The following CADM1 variants were observed in gnomAD, a reference collection of about 807,000 sequenced individuals.
CADM1 encodes the protein TSLC-1.
Under a neutral mutation model 53.1 loss-of-function variants are expected in CADM1, and 15 were observed. The observed-to-expected ratio is 0.28, with a 90% CI of 0.19 to 0.44. The LOEUF (loss-of-function observed/expected upper bound fraction) is 0.44, where lower values mean the gene tolerates loss of function less well. CADM1 is among the 20% of genes least tolerant of loss of function. The pLI is 1.00. For missense variants in CADM1, 434 were observed against 611.3 expected, an observed-to-expected ratio of 0.71 and a Z score of 3.06; for synonymous variants, 281 against 243.0, an observed-to-expected ratio of 1.16 and a Z score of -1.45.
chr11:115,188,220 C>A (rs1939670605), intron 10 of CADM1, among the ~76,000 whole-genome samples: 2 of 152,134 alleles, frequency 1.3e-5, no homozygotes, highest in South Asian at 4.1e-4. Flanking sequence ...GTGGCAATAA[C>A]CACCAGCTGT....
At chr11:115,290,125 T>C (rs957114191) in intron 1 of CADM1, among the ~76,000 whole-genome samples, 5 of 152,180 alleles carry the variant, frequency 3.3e-5, no homozygotes, top group African/African-American at 1.2e-4. Context: ...TGCATGCACA[T>C]GTAAACAGAT....
intron 1 of CADM1, among the ~76,000 whole-genome samples, chr11:115,309,599 A>G (rs1202147118): frequency 3.9e-5 from 6 of 152,076 alleles, no homozygotes; most frequent in Non-Finnish European, 8.8e-5. Context: ...TGTAGAACTG[A>G]AATGGGAAAT....
chr11:115,185,802 G>A (rs1939514742), intron 10 of CADM1, among the ~76,000 whole-genome samples: 1 of 152,170 alleles, frequency 6.6e-6, no homozygotes, highest in South Asian at 2.1e-4. Context: ...TGATAAACAG[G>A]ACAGTTGTCG....
At chr11:115,242,186 C>G (rs1214543451) in intron 1 of CADM1, among the ~76,000 whole-genome samples, 1 of 151,998 alleles carries the variant, frequency 6.6e-6, no homozygotes, top group African/African-American at 2.4e-5. Context: ...CAACCTCGAG[C>G]TCTAGGATCC....
chr11:115,188,489 A>C (rs530448769), intron 10 of CADM1, among the ~76,000 whole-genome samples: 207 of 152,306 alleles, frequency 1.4e-3, no homozygotes, highest in African/African-American at 4.8e-3. Flanking sequence ...ACTGTCATTA[A>C]TGAAGGTAGC....
intron 1 of CADM1, among the ~76,000 whole-genome samples, chr11:115,436,471 C>T (rs936806018): frequency 2.6e-5 from 4 of 152,174 alleles, no homozygotes; most frequent in Non-Finnish European, 5.9e-5. Context: ...GCATTCTCTT[C>T]CTGACTCTCT....
chr11:115,195,257 A>G (rs1940090543), intron 9 of CADM1, among the ~76,000 whole-genome samples: 1 of 152,210 alleles, frequency 6.6e-6, no homozygotes, highest in African/African-American at 2.4e-5. Flanking sequence ...TGCACTTCTA[A>G]CCTTCCAATA....
At chr11:115,238,369 C>A (rs1465589119) in intron 3 of CADM1, 131 bp downstream of exon 3, 3 of 1,013,406 alleles carry the variant, frequency 3.0e-6, no homozygotes, top group Non-Finnish European at 3.1e-6. Flanking sequence ...TTTTAAAATT[C>A]AGCAAGATGG....
At chr11:115,301,265 G>T (rs1294021306) in intron 1 of CADM1, among the ~76,000 whole-genome samples, 1 of 151,980 alleles carries the variant, frequency 6.6e-6, no homozygotes, top group Non-Finnish European at 1.5e-5. Context: ...GTGTGAGTTG[G>T]CCATGGCAAA....
At chr11:115,471,542 C>A (rs1436242059) in intron 1 of CADM1, among the ~76,000 whole-genome samples, 1 of 152,204 alleles carries the variant, frequency 6.6e-6, no homozygotes, top group Non-Finnish European at 1.5e-5. Flanking sequence ...TGGGTTTACA[C>A]AGTACACTGG....
intron 1 of CADM1, among the ~76,000 whole-genome samples, chr11:115,260,302 G>T (rs115871917): frequency 6.6e-6 from 1 of 152,324 alleles, no homozygotes; most frequent in East Asian, 1.9e-4. Flanking sequence ...GATCCAATGT[G>T]CAGAGAGTAA....
chr11:115,353,779 G>A (rs1565382425), intron 1 of CADM1, among the ~76,000 whole-genome samples: 1 of 152,132 alleles, frequency 6.6e-6, no homozygotes, highest in African/African-American at 2.4e-5. Context: ...AAGGAGGGTG[G>A]TAAGTGGGTA....
chr11:115,224,827 G>T (rs1219130910), intron 5 of CADM1, among the ~76,000 whole-genome samples: 2 of 152,106 alleles, frequency 1.3e-5, no homozygotes, highest in Non-Finnish European at 2.9e-5. Context: ...TTTGACAAGA[G>T]TACATTCCCT....
At chr11:115,361,248 A>G (rs776948250) in intron 1 of CADM1, among the ~76,000 whole-genome samples, 6 of 152,208 alleles carry the variant, frequency 3.9e-5, no homozygotes, top group Admixed American at 6.5e-5. Context: ...TTTATAAACT[A>G]GAGCTACTGA....
At chr11:115,404,426 G>A (rs1323300655) in intron 1 of CADM1, among the ~76,000 whole-genome samples, 1 of 120,446 alleles carries the variant, frequency 8.3e-6, no homozygotes, top group Admixed American at 8.7e-5. Context: ...TTCCAGATAG[G>A]TTAACAAAAG....
intron 5 of CADM1, among the ~76,000 whole-genome samples, chr11:115,219,319 T>C (rs1591615730): frequency 6.6e-6 from 1 of 152,310 alleles, no homozygotes; most frequent in East Asian, 1.9e-4. Flanking sequence ...TCACTAGAGA[T>C]AGCTGCTTTC....
intron 1 of CADM1, among the ~76,000 whole-genome samples, chr11:115,425,236 A>C (rs1227668335): frequency 1.3e-5 from 2 of 152,252 alleles, no homozygotes; most frequent in Admixed American, 1.3e-4. Context: ...AATATAAATC[A>C]AACTCTAACA....
At chr11:115,294,291 T>A (rs1943988603) in intron 1 of CADM1, among the ~76,000 whole-genome samples, 1 of 152,126 alleles carries the variant, frequency 6.6e-6, no homozygotes, top group South Asian at 2.1e-4. Flanking sequence ...CACAGCCTGT[T>A]CTCCAGTGGT....
At chr11:115,362,405 C>T (rs989285507) in intron 1 of CADM1, among the ~76,000 whole-genome samples, 3 of 152,104 alleles carry the variant, frequency 2.0e-5, no homozygotes, top group Non-Finnish European at 4.4e-5. Context: ...TTTTTAAACC[C>T]AACAAGGCAT....
Sources: allele counts gnomAD v4.1 joint callset (sites outside exome capture counted in the v4.1 genomes callset), GRCh38; gene constraint gnomAD v4.1.1; transcripts MANE v1.5; gene names NCBI Gene and HGNC (gene_info 2026-07-23, HGNC 2026-07-21).